The following CDH13 variants were observed in gnomAD, a reference collection of about 807,000 sequenced individuals.
CDH13 encodes the protein cadherin 13.
Under a neutral mutation model 63.8 loss-of-function variants are expected in CDH13, and 24 were observed. That is an observed-to-expected ratio of 0.38 (90% CI 0.27 to 0.53). The LOEUF is 0.53. CDH13 is among the 20% of genes least tolerant of loss of function. The pLI, the probability that CDH13 is intolerant of heterozygous loss-of-function variation, is 0.85. For missense variants in CDH13, 1,049 were observed against 903.1 expected, an observed-to-expected ratio of 1.16 and a Z score of -2.07; for synonymous variants, 503 against 355.3, an observed-to-expected ratio of 1.42 and a Z score of -4.67.
At chr16:82,705,211 A>G (rs1332138078) in intron 1 of CDH13, 4 of 455,240 alleles carry the variant, frequency 8.8e-6, no homozygotes. Flanking sequence ...ATGAGCTTTC[A>G]GGTATATAGC....
At position 82,735,521 on chromosome 16, in the gene CDH13, A is replaced by G. The variant is rs527888958; in HGVS notation, c.45+108384A>G. On this transcript the variant is annotated intron_variant, in intron 1 of 13. Coordinates refer to ENST00000567109, the MANE Select transcript of CDH13 (RefSeq NM_001257.5). The stretch of plus-strand genomic sequence containing the variant: ...CTGCTAAAGCTACATGAGTGGGCAA[A>G]TCAAGAAATTGTATTCCATAATTTG... Among the ~76,000 whole-genome samples the G allele has an allele frequency of 1.3e-4, 20 of 152,360 alleles. No individual in the cohort carries two copies. In the South Asian group the frequency reaches 1.4e-3, roughly 11 times the overall value.
intron 1 of CDH13, among the ~76,000 whole-genome samples, chr16:82,815,591 G>C (rs1403759571): frequency 1.3e-5 from 2 of 152,104 alleles, no homozygotes; most frequent in African/African-American, 4.8e-5. Context: ...ATTCCCATGG[G>C]AATAGTGATG....
intron 6 of CDH13, among the ~76,000 whole-genome samples, chr16:83,471,526 G>A (rs143342173): frequency 7.2e-5 from 11 of 151,954 alleles, no homozygotes; most frequent in South Asian, 2.1e-4. Flanking sequence ...CACCCGCCTC[G>A]GCCTCCCAAA....
chr16:82,916,472 G>C (rs1314191486), intron 2 of CDH13, among the ~76,000 whole-genome samples: 5 of 152,166 alleles, frequency 3.3e-5, no homozygotes, highest in Non-Finnish European at 5.9e-5. Flanking sequence ...TAGTTGGGAG[G>C]CTGAGGCAGG....
intron 1 of CDH13, among the ~76,000 whole-genome samples, chr16:82,684,558 A>G (rs1248759476): frequency 3.9e-5 from 6 of 152,138 alleles, no homozygotes; most frequent in Admixed American, 1.3e-4. Flanking sequence ...TTAATAGACC[A>G]TGAAGTCAGG....
At chr16:82,995,820 A>C (rs892784239) in intron 2 of CDH13, among the ~76,000 whole-genome samples, 1 of 152,170 alleles carries the variant, frequency 6.6e-6, no homozygotes, top group Non-Finnish European at 1.5e-5. Flanking sequence ...CGCTGCATCC[A>C]TTGAGGAGAA....
intron 1 of CDH13, among the ~76,000 whole-genome samples, chr16:82,630,412 G>C (rs1293557385): frequency 1.3e-5 from 2 of 152,156 alleles, no homozygotes; most frequent in Non-Finnish European, 2.9e-5. Context: ...TAATTCCACA[G>C]TCTATACTAA....
chr16:83,364,328 G>C (rs1225718712), intron 6 of CDH13, among the ~76,000 whole-genome samples: 5 of 152,136 alleles, frequency 3.3e-5, no homozygotes, highest in Non-Finnish European at 7.3e-5. Context: ...CTGTTGACTA[G>C]TAAGTGCCTG....
chr16:83,051,026 C>T (rs1361705119), intron 3 of CDH13, among the ~76,000 whole-genome samples: 1 of 152,174 alleles, frequency 6.6e-6, no homozygotes, highest in Non-Finnish European at 1.5e-5. Flanking sequence ...TCCTCTTATC[C>T]AGCCAAGACA....
chr16:83,572,063 G>A (rs777902015), intron 7 of CDH13, among the ~76,000 whole-genome samples: 1 of 152,148 alleles, frequency 6.6e-6, no homozygotes, highest in Non-Finnish European at 1.5e-5. Flanking sequence ...ATAACTTCCA[G>A]AAAACTCACA....
At chr16:83,273,917 A>T (rs984498329) in intron 5 of CDH13, among the ~76,000 whole-genome samples, 2 of 152,050 alleles carry the variant, frequency 1.3e-5, no homozygotes, top group Non-Finnish European at 2.9e-5. Context: ...CACATGCAGG[A>T]CCTCAGAGCT....
chr16:83,511,019 C>G (rs899500812), intron 7 of CDH13, among the ~76,000 whole-genome samples: 2 of 152,376 alleles, frequency 1.3e-5, no homozygotes, highest in East Asian at 3.9e-4. Context: ...TTCCCACACA[C>G]ATACACGGAC....
chr16:82,744,964 G>A (rs1216935895), intron 1 of CDH13, among the ~76,000 whole-genome samples: 1 of 152,312 alleles, frequency 6.6e-6, no homozygotes, highest in East Asian at 1.9e-4. Flanking sequence ...ATGTCTCATA[G>A]GTAGCATTGA....
chr16:82,763,063 G>T (rs527347888), intron 1 of CDH13, among the ~76,000 whole-genome samples: 6 of 152,306 alleles, frequency 3.9e-5, no homozygotes, highest in African/African-American at 1.4e-4. Flanking sequence ...ATAAGCATGT[G>T]AGTATGGACC....
At position 83,040,968 on chromosome 16, in the gene CDH13, C is replaced by T. The variant is rs189548774; in HGVS notation, c.366+8750C>T. 2.1e-3 allele frequency among the ~76,000 whole-genome samples: 315 copies of T among 152,232 alleles called. 1 individual carries two copies. Among genetic ancestry groups the T allele is most frequent in the Middle Eastern group, 0.017 (5 of 292 alleles). ...ACCTGTATATATTCAGGATTATGGG[C>T]GAACTTACACCATCACCACTCTTAT... On this transcript the variant is annotated intron_variant, in intron 3 of 13. Coordinates refer to ENST00000567109, the MANE Select transcript of CDH13 (RefSeq NM_001257.5).
intron 1 of CDH13, among the ~76,000 whole-genome samples, chr16:82,632,989 G>A (rs1908203482): frequency 6.6e-6 from 1 of 152,162 alleles, no homozygotes; most frequent in Non-Finnish European, 1.5e-5. Context: ...AAAATCCAGT[G>A]CCACGGCTGA....
At chr16:83,581,273 C>T (rs149036900) in intron 7 of CDH13, among the ~76,000 whole-genome samples, 131 of 152,288 alleles carry the variant, frequency 8.6e-4, no homozygotes, top group Non-Finnish European at 1.4e-3. Context: ...TCAGTATTTA[C>T]CCCTGTTTTA....
At chr16:83,017,039 A>T (rs1415127390) in intron 2 of CDH13, among the ~76,000 whole-genome samples, 1 of 152,188 alleles carries the variant, frequency 6.6e-6, no homozygotes, top group East Asian at 1.9e-4. Flanking sequence ...TATTTGATAA[A>T]AGTTATAGAC....
At chr16:83,455,238 T>G (rs2072990318) in intron 6 of CDH13, among the ~76,000 whole-genome samples, 1 of 152,160 alleles carries the variant, frequency 6.6e-6, no homozygotes, top group African/African-American at 2.4e-5. Context: ...TTGGACCATG[T>G]GGAGTGAGAC....
Sources: gnomAD v4.1 joint callset for allele counts (sites outside exome capture counted in the v4.1 genomes callset) on GRCh38, gnomAD v4.1.1 for gene constraint, MANE v1.5 for transcripts, NCBI Gene and HGNC (gene_info 2026-07-23, HGNC 2026-07-21) for gene names.